Variants in TTC17 observed in about 807,000 individuals in gnomAD.
TTC17 encodes tetratricopeptide repeat domain 17, also known as tetratricopeptide repeat protein 17.
In TTC17, 58 loss-of-function variants were observed where a neutral mutation model predicts 143.8. The ratio of observed to expected loss-of-function variants is 0.40; its 90% CI spans 0.33 to 0.50. The LOEUF (loss-of-function observed/expected upper bound fraction) is 0.50. Among genes scored for constraint, TTC17 ranks in the 20% least tolerant of loss-of-function variants. The pLI, the probability that TTC17 is intolerant of heterozygous loss-of-function variation, is 0.49. For synonymous variants in TTC17, 501 were observed against 497.8 expected (o/e 1.01, Z -0.09); for missense variants, 1,273 against 1,392.5 (o/e 0.91, Z 1.37).
intron 1 of TTC17, among the ~76,000 whole-genome samples, chr11:43,377,246 T>G (rs1856795481): frequency 6.6e-6 from 1 of 151,620 alleles, no homozygotes; most frequent in Non-Finnish European, 1.5e-5. Context: ...TGAGTCGAGA[T>G]CACACCACTG....
chr11:43,453,033 A>G (rs1300197548), intron 21 of TTC17, among the ~76,000 whole-genome samples: 1 of 152,212 alleles, frequency 6.6e-6, no homozygotes, highest in Non-Finnish European at 1.5e-5. Context: ...AAACTGAAAT[A>G]TATTAAACTT....
chr11:43,376,570 A>G (rs1384132821), intron 1 of TTC17, among the ~76,000 whole-genome samples: 1 of 152,080 alleles, frequency 6.6e-6, no homozygotes, highest in Non-Finnish European at 1.5e-5. Flanking sequence ...TTTTTAACCT[A>G]CCTCTCTGTA....
At chr11:43,459,451 T>G (rs971566187) in intron 21 of TTC17, among the ~76,000 whole-genome samples, 1 of 152,258 alleles carries the variant, frequency 6.6e-6, no homozygotes. Flanking sequence ...CTGTCCCAAC[T>G]GGCACAGTTA....
rs536237367 is a variant in TTC17 at position 43,367,074 on chromosome 11, A to G, written c.159+7961A>G. 1.6e-4 allele frequency among the ~76,000 whole-genome samples: 24 copies of G among 152,330 alleles called. No homozygotes were observed. In the South Asian group the frequency reaches 4.8e-3, roughly 30 times the overall value. On this transcript the variant is annotated intron_variant, in intron 1 of 23. Coordinates refer to ENST00000039989, the MANE Select transcript of TTC17 (RefSeq NM_018259.6). The stretch of plus-strand genomic sequence containing the variant: ...TGTGTTGGGCCTACCTACTTAGGTA[A>G]ATGCCACACTAGACATTTCTCAATG...
chr11:43,392,058 A>T (rs1029556150), intron 5 of TTC17, 106 bp downstream of exon 5: 2 of 1,340,596 alleles, frequency 1.5e-6, no homozygotes, highest in Admixed American at 5.3e-5. Flanking sequence ...GTTTTTATCT[A>T]GAAGACGATT....
At chr11:43,393,554 T>A (rs1857469548) in intron 5 of TTC17, among the ~76,000 whole-genome samples, 1 of 152,128 alleles carries the variant, frequency 6.6e-6, no homozygotes, top group Non-Finnish European at 1.5e-5. Flanking sequence ...TAAGCATTAT[T>A]GACTAAAGTA....
intron 1 of TTC17, among the ~76,000 whole-genome samples, chr11:43,363,356 A>G (rs1024342974): frequency 6.6e-6 from 1 of 152,174 alleles, no homozygotes; most frequent in African/African-American, 2.4e-5. Context: ...TAACCACTCT[A>G]TGGCACTTCA....
chr11:43,419,379 T>A (rs1481934052), intron 16 of TTC17, among the ~76,000 whole-genome samples: 1 of 152,230 alleles, frequency 6.6e-6, no homozygotes, highest in African/African-American at 2.4e-5. Context: ...GTTTCTGTAT[T>A]TATAGCATCT....
chr11:43,450,148 C>G lies in TTC17; in HGVS notation c.2853C>G (p.Gly951=). ...QQPAMEPLCN[G]NLPTSMHTLD... The stretch of plus-strand genomic sequence containing the variant: ...CAGCAATGGAGCCTCTTTGCAATGG[C>G]AATCTCCCCACGAGTATGCATACCC... The change falls in exon 20 of 24, where the codon GGC becomes GGG. Residue 951 remains glycine (G), a synonymous_variant. Transcript: ENST00000039989. 6.2e-7 allele frequency: 1 copy of G among 1,614,184 alleles called. No homozygotes were observed. Among genetic ancestry groups the G allele is most frequent in the Non-Finnish European group, 8.5e-7 (1 of 1,180,022 alleles).
At position 43,488,031 on chromosome 11, in the gene TTC17, A is replaced by G. The variant is rs78563872; in HGVS notation, c.3031-2208A>G. On this transcript the variant is annotated intron_variant, in intron 21 of 23. Coordinates refer to ENST00000039989, the MANE Select transcript of TTC17 (RefSeq NM_018259.6). ...ACATTCTGAGGTACAGGGGATTGGG[A>G]CTTAAAAATATGAATTTTGGGGGAA... Among the ~76,000 whole-genome samples the G allele has an allele frequency of 8.7e-3, 1,324 of 152,314 alleles. 22 individuals are homozygous for G. The highest frequency in any genetic ancestry group is 0.03 in the African/African-American group (1,239 of 41,570).
chr11:43,459,895 T>C (rs1193815893), intron 21 of TTC17, among the ~76,000 whole-genome samples: 3 of 152,214 alleles, frequency 2.0e-5, no homozygotes, highest in African/African-American at 7.2e-5. Context: ...AATGCAAGTG[T>C]TCTGAGCACA....
intron 16 of TTC17, among the ~76,000 whole-genome samples, chr11:43,415,488 G>A (rs533440685): frequency 5.9e-5 from 9 of 152,220 alleles, no homozygotes; most frequent in Admixed American, 2.6e-4. Context: ...GTTTACATAC[G>A]TGTGGATCCT....
At chr11:43,423,644 T>A (rs1273390818) in intron 16 of TTC17, among the ~76,000 whole-genome samples, 1 of 152,204 alleles carries the variant, frequency 6.6e-6, no homozygotes, top group East Asian at 1.9e-4. Context: ...TTAGAAAATA[T>A]ATTTAGCTGG....
At chr11:43,449,937 T>G in intron 19 of TTC17, 145 bp from the exon 20 acceptor site, 1 of 891,750 alleles carries the variant, frequency 1.1e-6, no homozygotes, top group Non-Finnish European at 1.7e-6. Context: ...AAAACTTACT[T>G]CGTTTAAAAT....
At chr11:43,404,414 C>G (rs1382115850) in intron 11 of TTC17, among the ~76,000 whole-genome samples, 1 of 152,148 alleles carries the variant, frequency 6.6e-6, no homozygotes, top group Non-Finnish European at 1.5e-5. Context: ...TATTACCAAC[C>G]TTAACAAGTT....
rs1018311527 is a variant in TTC17, at chr11:43,398,239, T to C, written c.1058+126T>C. 21 of 1,196,926 alleles carry C rather than the reference T, an allele frequency of 1.8e-5. No homozygotes were observed. The African/African-American group carries it at 2.4e-4, about 14-fold the overall frequency. The allele number at this position is 1,196,926 out of a possible 1,614,324, so 74.1% of individuals were successfully genotyped here. ...AAAGAAACCTCTTCACTACTGCAAGTCCTATCCTTTTTCTGTAAGTCCTGG... is the reference window on the plus strand; with the variant it reads ...AAAGAAACCTCTTCACTACTGCAAGCCCTATCCTTTTTCTGTAAGTCCTGG... On this transcript the variant is annotated intron_variant, in intron 8 of 23. Coordinates refer to ENST00000039989, the MANE Select transcript of TTC17 (RefSeq NM_018259.6).
At chr11:43,468,439 T>A (rs1280252342) in intron 21 of TTC17, 1 of 152,142 alleles carries the variant, frequency 6.6e-6, no homozygotes, top group Non-Finnish European at 1.5e-5. Context: ...AATGCATGGA[T>A]ATGCATATAG....
intron 21 of TTC17, among the ~76,000 whole-genome samples, chr11:43,472,025 A>G (rs574740092): frequency 6.6e-5 from 10 of 152,330 alleles, no homozygotes; most frequent in Admixed American, 2.6e-4. Context: ...GTGCTTTTAA[A>G]TATAAAATAT....
In TTC17 at chr11:43,399,914, T is replaced by C; in HGVS notation, c.1085T>C (p.Leu362Ser). The stretch of plus-strand genomic sequence containing the variant: ...TCTCTCCAGCGAACACTGAATGAGT[T>C]AAAAGAGTATCAAAAGCAGCATGAC... ...HRSLQRTLNELKEYQKQHDHY... is the reference protein window; with the variant it reads ...HRSLQRTLNESKEYQKQHDHY... The change falls in exon 9 of 24, where the codon TTA becomes TCA. Residue 362 changes from leucine to serine, a missense_variant. This residue lies in a region of TTC17 where 325 missense variants were observed against 444.2 expected (regional missense o/e 0.73). Transcript: ENST00000039989. 6.2e-7 allele frequency: 1 copy of C among 1,613,418 alleles called. No homozygotes were observed. The highest frequency in any genetic ancestry group is 1.3e-5 in the African/African-American group (1 of 74,960).
Sources: gnomAD v4.1 joint callset for allele counts (sites outside exome capture counted in the v4.1 genomes callset) on GRCh38, gnomAD v4.1.1 for gene constraint, gnomAD v4.1.1 regional missense constraint, MANE v1.5 for transcripts, NCBI Gene and HGNC (gene_info 2026-07-23, HGNC 2026-07-21) for gene names.